NMBR: variants seen among roughly 807,000 people sequenced by gnomAD.
The protein encoded by NMBR is neuromedin-B receptor.
NMBR carries 16 observed loss-of-function variants against 20.5 expected under a neutral mutation model. The ratio of observed to expected loss-of-function variants is 0.78; its 90% CI spans 0.53 to 1.19. The LOEUF is 1.19. NMBR is among the 50% of genes most tolerant of loss of function. The pLI, the probability that NMBR is intolerant of heterozygous loss-of-function variation, is 0.00. For missense variants in NMBR, 582 were observed against 499.1 expected (o/e 1.17, Z -1.58); for synonymous variants, 212 against 196.6 (o/e 1.08, Z -0.65).
intron 1 of NMBR, among the ~76,000 whole-genome samples, chr6:142,144,334 G>GT (rs1778398606): frequency 6.6e-6 from 1 of 152,162 alleles, no homozygotes; most frequent in Admixed American, 6.5e-5. Flanking sequence ...CAACAAGATG[G>GT]TTCTGACCAA....
chr6:142,121,559 C>G (rs1445415370), intron 1 of NMBR, among the ~76,000 whole-genome samples: 1 of 151,898 alleles, frequency 6.6e-6, no homozygotes, highest in Non-Finnish European at 1.5e-5. Context: ...TTATAGTGGT[C>G]TGGATAGAAG....
At chr6:142,129,222 C>T (rs1055887922) in intron 1 of NMBR, among the ~76,000 whole-genome samples, 3 of 151,856 alleles carry the variant, frequency 2.0e-5, no homozygotes, top group Non-Finnish European at 2.9e-5. Flanking sequence ...TAGAATAGTA[C>T]TGGCATATAG....
At chr6:142,124,997 T>TC (rs1778005690) in intron 1 of NMBR, among the ~76,000 whole-genome samples, 1 of 151,786 alleles carries the variant, frequency 6.6e-6, no homozygotes, top group Non-Finnish European at 1.5e-5. Flanking sequence ...TACTAAGCCA[T>TC]CCCCAGTTCC....
Position 142,136,919 on chromosome 6 carries a change from T to G in NMBR, c.-664+10125A>C, listed in dbSNP as rs559695403. Among the ~76,000 whole-genome samples the G allele has an allele frequency of 5.8e-4, 89 of 152,314 alleles. No homozygotes were observed. The East Asian group carries it at 0.015, about 25-fold the overall frequency. ...TGTAGCCTTGTAGTATAGTTTGAAG[T>G]CAGGTAGGGTGATGCCTGCAGCTTT... On this transcript the variant is annotated intron_variant, in intron 1 of 3. Coordinates refer to ENST00000258042, the MANE Select transcript of NMBR (RefSeq NM_002511.4).
intron 1 of NMBR, among the ~76,000 whole-genome samples, chr6:142,139,173 T>A (rs1347070401): frequency 6.6e-6 from 1 of 152,136 alleles, no homozygotes; most frequent in Admixed American, 6.5e-5. Context: ...CTTCTTCTGG[T>A]TTGCCTCTCA....
At chr6:142,121,379 G>A (rs1445061615) in intron 1 of NMBR, among the ~76,000 whole-genome samples, 1 of 152,000 alleles carries the variant, frequency 6.6e-6, no homozygotes, top group Non-Finnish European at 1.5e-5. Context: ...ATTAAGCTTA[G>A]TGAAGAAAGC....
At chr6:142,093,257 T>A (rs1777370009) in intron 1 of NMBR, among the ~76,000 whole-genome samples, 1 of 150,606 alleles carries the variant, frequency 6.6e-6, no homozygotes. Context: ...ACACATTAAC[T>A]CATCATTTAG....
chr6:142,136,352 T>C (rs1053527094), intron 1 of NMBR, among the ~76,000 whole-genome samples: 4 of 152,232 alleles, frequency 2.6e-5, no homozygotes, highest in African/African-American at 9.6e-5. Flanking sequence ...TGTTTGTTTT[T>C]TTCTTGTAAA....
intron 1 of NMBR, among the ~76,000 whole-genome samples, chr6:142,130,716 A>T (rs538142184): frequency 5.3e-5 from 8 of 152,296 alleles, no homozygotes; most frequent in Non-Finnish European, 1.2e-4. Context: ...TTTTTCTAGC[A>T]AGAAGCAGTC....
chr6:142,093,917 T>C (rs1425119562), intron 1 of NMBR, among the ~76,000 whole-genome samples: 1 of 151,734 alleles, frequency 6.6e-6, no homozygotes, highest in African/African-American at 2.4e-5. Flanking sequence ...TGGTGAGCAT[T>C]TTTTCATGTG....
chr6:142,124,007 T>C (rs1053892314), intron 1 of NMBR, among the ~76,000 whole-genome samples: 2 of 151,546 alleles, frequency 1.3e-5, no homozygotes, highest in Admixed American at 1.3e-4. Flanking sequence ...AGAACGAAGA[T>C]GGAAAAGGAG....
At chr6:142,134,814 C>T in intron 1 of NMBR, 1 of 670,682 alleles carries the variant, frequency 1.5e-6, no homozygotes, top group South Asian at 1.6e-5. Flanking sequence ...TTGAAAAAAC[C>T]ATTTTTCTCA....
chr6:142,087,411 C>T (rs1023758197), intron 2 of NMBR, among the ~76,000 whole-genome samples: 2 of 152,184 alleles, frequency 1.3e-5, no homozygotes, highest in Non-Finnish European at 2.9e-5. Context: ...CCTATCCAAA[C>T]ATTCCCTTCT....
chr6:142,116,527 A>G (rs1777858499), intron 1 of NMBR, among the ~76,000 whole-genome samples: 1 of 152,046 alleles, frequency 6.6e-6, no homozygotes. Flanking sequence ...GATGCTTTTG[A>G]GTACTGACAT....
At position 142,135,744 on chromosome 6, in the gene NMBR, T is replaced by C. The variant is rs551046862; in HGVS notation, c.-664+11300A>G. Reference sequence around the variant, plus strand: ...CCCATCTATGAGTGAGAACATGCGGTGTTTGGTTTTTTGTCCTTGCGATAG... The same window carrying C: ...CCCATCTATGAGTGAGAACATGCGGCGTTTGGTTTTTTGTCCTTGCGATAG... On this transcript the variant is annotated intron_variant, in intron 1 of 3. Coordinates refer to ENST00000258042, the MANE Select transcript of NMBR (RefSeq NM_002511.4). Among the ~76,000 whole-genome samples, 4 of 150,866 alleles carry C rather than the reference T, an allele frequency of 2.7e-5. No homozygotes were observed. In the East Asian group the frequency reaches 7.9e-4, roughly 30 times the overall value.
At chr6:142,085,361 TA>T (rs1777180373) in intron 2 of NMBR, among the ~76,000 whole-genome samples, 1 of 152,082 alleles carries the variant, frequency 6.6e-6, no homozygotes, top group African/African-American at 2.4e-5. Context: ...CTGTCTCTAC[TA>T]AAAATACAAA....
intron 1 of NMBR, among the ~76,000 whole-genome samples, chr6:142,114,978 G>A (rs1358101549): frequency 1.3e-5 from 2 of 152,110 alleles, no homozygotes; most frequent in Non-Finnish European, 2.9e-5. Context: ...AAACTTAGCA[G>A]ATCTCTAATC....
intron 1 of NMBR, among the ~76,000 whole-genome samples, chr6:142,110,946 A>C (rs750687662): frequency 1.3e-5 from 2 of 152,174 alleles, no homozygotes; most frequent in African/African-American, 2.4e-5. Context: ...CATAGATCAA[A>C]TAAGACATAC....
chr6:142,099,023 C>G (rs1777510738), intron 1 of NMBR, among the ~76,000 whole-genome samples: 1 of 152,184 alleles, frequency 6.6e-6, no homozygotes, highest in Non-Finnish European at 1.5e-5. Flanking sequence ...GCCAACTGCT[C>G]TTTGACAAGG....
Sources: allele counts gnomAD v4.1 joint callset (sites outside exome capture counted in the v4.1 genomes callset), GRCh38; gene constraint gnomAD v4.1.1; transcripts MANE v1.5; gene names NCBI Gene and HGNC (gene_info 2026-07-23, HGNC 2026-07-21).